The following TJP3 variants were observed in gnomAD, a reference collection of about 807,000 sequenced individuals.
The protein encoded by TJP3 is tight junction protein ZO-3.
In TJP3, 85 loss-of-function variants were observed where a neutral mutation model predicts 104.2. That is an observed-to-expected ratio of 0.82 (90% confidence interval 0.68 to 0.98). The LOEUF (loss-of-function observed/expected upper bound fraction) is 0.98, where lower values mean the gene tolerates loss of function less well. Ranked by LOEUF, TJP3 falls within the 50% of genes least tolerant of loss-of-function variation. TJP3 has a pLI of 0.00. For synonymous variants in TJP3, 550 were observed against 550.6 expected, an observed-to-expected ratio of 1.00 and a Z score of 0.02; for missense variants, 1,367 against 1,322.8, an observed-to-expected ratio of 1.03 and a Z score of -0.52.
At chr19:3,735,697 C>T (rs1051399896) in intron 9 of TJP3, 58 bp downstream of exon 9, 3 of 1,609,180 alleles carry the variant, frequency 1.9e-6, no homozygotes, top group Non-Finnish European at 2.6e-6. Context: ...GACAGCAAGG[C>T]TGTGCCAGGC....
intron 1 of TJP3, among the ~76,000 whole-genome samples, chr19:3,719,298 G>A (rs1268302334): frequency 1.3e-5 from 2 of 152,140 alleles, no homozygotes; most frequent in East Asian, 1.9e-4. Context: ...TACAGTAGGT[G>A]TTCAGTAAGC....
At chr19:3,710,665 A>G (rs188993510) in intron 1 of TJP3, among the ~76,000 whole-genome samples, 170 of 152,250 alleles carry the variant, frequency 1.1e-3, no homozygotes, top group Non-Finnish European at 2.0e-3. Context: ...GCGGAAGCCT[A>G]GGCTGGGGGG....
At chr19:3,722,509 C>T (rs1461703302) in intron 1 of TJP3, among the ~76,000 whole-genome samples, 4 of 132,328 alleles carry the variant, frequency 3.0e-5, no homozygotes, top group Admixed American at 2.8e-4. Flanking sequence ...GTGTACAAAG[C>T]TATTAACAGG....
Position 3,746,200 on chromosome 19 carries a change from A to C in TJP3, c.2010+119A>C, listed in dbSNP as rs1441675295. On this transcript the variant is annotated intron_variant, in intron 16 of 20. Transcript: ENST00000541714. The surrounding 1 kb of genome is among the most constrained non-coding windows in gnomAD (Gnocchi z 4.1). ...ACCCCACAAGTGCAGTCTTCCATAG[A>C]GCCCCTTTTGGAGGCTTTGTGAGGC... is the stretch of plus-strand genomic sequence containing the variant. 1 of 1,100,722 alleles carries C rather than the reference A, an allele frequency of 9.1e-7. No individual in the cohort carries two copies. The highest frequency in any genetic ancestry group is 1.3e-6 in the Non-Finnish European group (1 of 755,478). The allele number at this position is 1,100,722 out of a possible 1,614,324, so 68.2% of individuals were successfully genotyped here. A position where few individuals can be genotyped will look rare whatever the true frequency, so the allele number is the denominator to read the frequency against.
At position 3,725,877 on chromosome 19, in the gene TJP3, C is replaced by A. The variant is rs140280769; in HGVS notation, c.-9-2547C>A. On this transcript the variant is annotated intron_variant, in intron 1 of 20. Coordinates refer to ENST00000541714, the MANE Select transcript of TJP3 (RefSeq NM_001267560.2). ...GAGACTGAGGCTGGGAGAGGCCCCG[C>A]CATAGCTAGCACGGGTGGGCAGACT... is the stretch of plus-strand genomic sequence containing the variant. Among the ~76,000 whole-genome samples, 330 of 152,316 alleles carry A rather than the reference C, an allele frequency of 2.2e-3. 1 individual carries two copies. The highest frequency in any genetic ancestry group is 7.6e-3 in the African/African-American group (315 of 41,582).
In TJP3 at chr19:3,730,646, C is replaced by T. The variant is rs570876800; in HGVS notation, c.553C>T (p.Arg185Trp). 5.3e-5 allele frequency: 85 copies of T among 1,611,646 alleles called. No individual in the cohort carries two copies. The highest frequency in any genetic ancestry group is 3.8e-4 in the East Asian group (17 of 44,880). ...ALVSGFKRLP[R>W]QDVQMKPVKS... ...GGTGTCCGGCTTTAAGCGGCTGCCACGGCAGGACGTGCAGATGAAGCCTGT... is the reference window on the plus strand; with the variant it reads ...GGTGTCCGGCTTTAAGCGGCTGCCATGGCAGGACGTGCAGATGAAGCCTGT... Residue 185 changes from arginine (R) to tryptophan (W), a missense_variant, in exon 5 of 21, where the codon CGG becomes TGG. Arg to Trp is a moderately radical substitution (Grantham distance 101, BLOSUM62 -3). Coordinates refer to ENST00000541714, the MANE Select transcript of TJP3 (RefSeq NM_001267560.2). This position sits in a 1 kb window ranked among gnomAD's most constrained non-coding sequence, Gnocchi z 7.3.
At position 3,733,096 on chromosome 19, in the gene TJP3, C is replaced by T. The variant is rs571619971; in HGVS notation, c.718-657C>T. ...TGTCACCCAGGCTGGAGTGCAGTGG[C>T]GGGATCTTGGCTCACTGCAACCTCC... On this transcript the variant is annotated intron_variant, in intron 6 of 20. Coordinates refer to ENST00000541714, the MANE Select transcript of TJP3 (RefSeq NM_001267560.2). 1.6e-3 allele frequency among the ~76,000 whole-genome samples: 243 copies of T among 151,680 alleles called. 2 individuals carry two copies. Among genetic ancestry groups the T allele is most frequent in the African/African-American group, 5.3e-3 (221 of 41,370 alleles).
Position 3,740,545 on chromosome 19 carries a change from T to A in TJP3, c.1632-7T>A. The A allele has an allele frequency of 6.9e-7, 1 of 1,446,400 alleles. No homozygotes were observed. Among genetic ancestry groups the A allele is most frequent in the Non-Finnish European group, 9.1e-7 (1 of 1,099,134 alleles). The allele number at this position is 1,446,400 out of a possible 1,614,324, so 89.6% of individuals were successfully genotyped here. A position where few individuals can be genotyped will look rare whatever the true frequency, so the allele number is the denominator to read the frequency against. On this transcript the variant is annotated splice_region_variant and splice_polypyrimidine_tract_variant and intron_variant, in intron 13 of 20. Coordinates refer to ENST00000541714, the MANE Select transcript of TJP3 (RefSeq NM_001267560.2). ...CAGTGCTCAGTACTGTCCCCTCTTC[T>A]CCCCAGGGCGGAGCAGCTGGCCAGC...
In TJP3 at chr19:3,735,939, TGTAC is replaced by T; in HGVS notation, c.1127+5_1127+8del. ...GTCAGAGCATGGAGGATCGTGGGTA[TGTAC>T]CCCAGAAGAAAGCAAACCCGCTCAA... On this transcript the variant is annotated splice_donor_5th_base_variant and intron_variant, in intron 10 of 20. Transcript: ENST00000541714. The T allele has an allele frequency of 6.2e-7, 1 of 1,614,102 alleles. No homozygotes were observed. The highest frequency in any genetic ancestry group is 1.1e-5 in the South Asian group (1 of 91,086).
intron 13 of TJP3, among the ~76,000 whole-genome samples, chr19:3,740,104 T>G (rs1198528984): frequency 6.6e-6 from 1 of 151,738 alleles, no homozygotes; most frequent in Admixed American, 6.6e-5. Context: ...TGGTGGTGCA[T>G]ACCTGTAATC....
Position 3,746,742 on chromosome 19 carries a change from G to C in TJP3, c.2222-34G>C. On this transcript the variant is annotated intron_variant, in intron 17 of 20. Coordinates refer to ENST00000541714, the MANE Select transcript of TJP3 (RefSeq NM_001267560.2). This position sits in a 1 kb window ranked among gnomAD's most constrained non-coding sequence, Gnocchi z 4.1. ...GGTAGGCGGGTGGGCCCCAGCCTGA[G>C]TCTCCTGCACACACTGACGTCCCCT... is the stretch of plus-strand genomic sequence containing the variant. The C allele has an allele frequency of 6.2e-7, 1 of 1,600,280 alleles. No individual in the cohort carries two copies. Among genetic ancestry groups the C allele is most frequent in the African/African-American group, 1.3e-5 (1 of 74,888 alleles).
rs749266558 is a variant in TJP3, at chr19:3,746,740, G to C, written c.2222-36G>C. ...AGGGTAGGCGGGTGGGCCCCAGCCT[G>C]AGTCTCCTGCACACACTGACGTCCC... is the stretch of plus-strand genomic sequence containing the variant. On this transcript the variant is annotated intron_variant, in intron 17 of 20. Coordinates refer to ENST00000541714, the MANE Select transcript of TJP3 (RefSeq NM_001267560.2). This position sits in a 1 kb window ranked among gnomAD's most constrained non-coding sequence, Gnocchi z 4.1. The C allele has an allele frequency of 1.9e-6, 3 of 1,599,670 alleles. No homozygotes were observed. Among genetic ancestry groups the C allele is most frequent in the African/African-American group, 1.3e-5 (1 of 74,744 alleles).
intron 1 of TJP3, among the ~76,000 whole-genome samples, chr19:3,717,609 G>A (rs909434536): frequency 2.7e-5 from 4 of 150,672 alleles, no homozygotes; most frequent in African/African-American, 7.3e-5. Context: ...CTAATTTTTC[G>A]TATTTTTGTA....
In TJP3 at chr19:3,738,632, G is replaced by C. The variant is rs139718595; in HGVS notation, c.1362G>C (p.Glu454Asp). 1.9e-5 allele frequency: 30 copies of C among 1,613,808 alleles called. No homozygotes were observed. Among genetic ancestry groups the C allele is most frequent in the South Asian group, 8.8e-5 (8 of 91,078 alleles). The change falls in exon 12 of 21, where the codon GAG becomes GAC. Residue 454 changes from glutamate to aspartate, a missense_variant. Transcript: ENST00000541714. ...QFLLGLPPGE[E>D]MELVTQRKQD... ...TGCTGGGGCTGCCACCAGGCGAGGA[G>C]ATGGAGCTGGTGACGCAGAGGAAGC...
At position 3,746,898 on chromosome 19, in the gene TJP3, G is replaced by A; in HGVS notation, c.2322+22G>A. Reference sequence around the variant, plus strand: ...TCAGGTACTGCCGCGGTGTGGGTGGGTCGGGCAGGGAGGCCCCACAGACGC... The same window carrying A: ...TCAGGTACTGCCGCGGTGTGGGTGGATCGGGCAGGGAGGCCCCACAGACGC... On this transcript the variant is annotated intron_variant, in intron 18 of 20. Transcript: ENST00000541714. The surrounding 1 kb of genome is among the most constrained non-coding windows in gnomAD (Gnocchi z 4.1). The A allele has an allele frequency of 1.3e-6, 2 of 1,530,022 alleles. No individual in the cohort carries two copies. The highest frequency in any genetic ancestry group is 8.9e-7 in the Non-Finnish European group (1 of 1,118,980). 94.8% of individuals were successfully genotyped at this position (1,530,022 alleles called of 1,614,324 possible). A position where few individuals can be genotyped will look rare whatever the true frequency, so the allele number is the denominator to read the frequency against.
At chr19:3,725,572 A>C (rs1795767146) in intron 1 of TJP3, among the ~76,000 whole-genome samples, 1 of 151,240 alleles carries the variant, frequency 6.6e-6, no homozygotes, top group Non-Finnish European at 1.5e-5. Flanking sequence ...GGTGCCTATA[A>C]TCCCAGCTAC....
rs558476711 is a variant in TJP3 at position 3,739,830 on chromosome 19, T to C, written c.1631+696T>C. On this transcript the variant is annotated intron_variant, in intron 13 of 20. Coordinates refer to ENST00000541714, the MANE Select transcript of TJP3 (RefSeq NM_001267560.2). ...TTCATAGCCACAGCACAGCCTCTTC[T>C]AGTCTCTCTCTGACTCTCACCCTCC... is the stretch of plus-strand genomic sequence containing the variant. 1.1e-3 allele frequency among the ~76,000 whole-genome samples: 166 copies of C among 152,226 alleles called. 2 individuals carry two copies. Among genetic ancestry groups the C allele is most frequent in the Non-Finnish European group, 1.7e-3 (117 of 68,008 alleles).
rs1218159666 is a variant in TJP3 at position 3,733,838 on chromosome 19, T to C, written c.803T>C (p.Val268Ala). Residue 268 changes from valine (V) to alanine (A), a missense_variant, in exon 7 of 21, where the codon GTG becomes GCG. By Grantham distance (64) the Val-to-Ala change is moderately conservative. Transcript: ENST00000541714. The stretch of plus-strand genomic sequence containing the variant: ...TCAGAAGGGAAGCTAAGCCTGCTGG[T>C]GCTGAGAGATCGTGGGCAGTTCCTG... Reference protein sequence around the residue: ...EKSEGKLSLLVLRDRGQFLVN... With the variant: ...EKSEGKLSLLALRDRGQFLVN... 1 of 1,614,212 alleles carries C rather than the reference T, an allele frequency of 6.2e-7. No individual in the cohort carries two copies. The highest frequency in any genetic ancestry group is 1.1e-5 in the South Asian group (1 of 91,084).
chr19:3,736,458 G>A (rs2036741364), intron 11 of TJP3, 137 bp downstream of exon 11: 1 of 862,732 alleles, frequency 1.2e-6, no homozygotes. Context: ...GAACATTTCA[G>A]TGTCTCCTTG....
Sources: allele counts gnomAD v4.1 joint callset (sites outside exome capture counted in the v4.1 genomes callset), GRCh38; gene constraint gnomAD v4.1.1; non-coding constraint Gnocchi (gnomAD v3.1); transcripts MANE v1.5; gene names NCBI Gene and HGNC (gene_info 2026-07-23, HGNC 2026-07-21).